BCL7C: variants seen among roughly 807,000 people sequenced by gnomAD.
BCL7C encodes the protein BAF chromatin remodeling complex subunit BCL7C, also known as B-cell CLL/lymphoma 7 protein family member C.
A neutral mutation model predicts 26.2 loss-of-function variants in BCL7C; 8 were observed. The ratio of observed to expected loss-of-function variants is 0.30; its 90% CI spans 0.18 to 0.55. The LOEUF is 0.55. BCL7C is among the 20% of genes least tolerant of loss of function. BCL7C has a pLI of 0.93. For synonymous variants in BCL7C, 90 were observed against 116.5 expected (o/e 0.77, Z 1.47); for missense variants, 262 against 298.5 (o/e 0.88, Z 0.90).
At chr16:30,842,764 A>G (rs1234639615) in intron 5 of BCL7C, among the ~76,000 whole-genome samples, 2 of 152,030 alleles carry the variant, frequency 1.3e-5, no homozygotes, top group South Asian at 2.1e-4. Context: ...CAGACAGGGT[A>G]TCACCGTGTC....
intron 5 of BCL7C, among the ~76,000 whole-genome samples, chr16:30,873,336 A>G (rs2054897583): frequency 2.0e-5 from 3 of 152,198 alleles, no homozygotes; most frequent in Admixed American, 2.0e-4. Flanking sequence ...AGAGACAGAA[A>G]GTAGATTTGC....
chr16:30,885,173 T>G (rs1443181657), downstream of BCL7C, among the ~76,000 whole-genome samples: 5 of 152,126 alleles, frequency 3.3e-5, no homozygotes, highest in Non-Finnish European at 7.3e-5. Context: ...CCTAGATTAT[T>G]CAAATGGGCC....
intron 5 of BCL7C, chr16:30,835,298 G>A (rs958555083): frequency 1.0e-5 from 7 of 699,670 alleles, no homozygotes; most frequent in Non-Finnish European, 1.6e-5. Flanking sequence ...TTTGAGAGCA[G>A]GCAGAGGGTG....
intron 5 of BCL7C, chr16:30,851,564 C>T (rs1160463727): frequency 1.5e-5 from 5 of 329,644 alleles, no homozygotes; most frequent in South Asian, 5.2e-5. Context: ...GCTGGTTATG[C>T]GATGTGTGGT....
intron 5 of BCL7C, among the ~76,000 whole-genome samples, chr16:30,843,112 T>G (rs2054612583): frequency 1.3e-5 from 2 of 152,364 alleles, no homozygotes; most frequent in Admixed American, 6.5e-5. Flanking sequence ...TTCTGGCTAT[T>G]TCTCATTCCA....
At chr16:30,866,908 G>C (rs1442938906) in intron 5 of BCL7C, among the ~76,000 whole-genome samples, 1 of 152,074 alleles carries the variant, frequency 6.6e-6, no homozygotes, top group African/African-American at 2.4e-5. Flanking sequence ...TTAAAAATCA[G>C]CTGAGCATGG....
chr16:30,876,611 G>A (rs921704724), intron 5 of BCL7C, among the ~76,000 whole-genome samples: 4 of 152,120 alleles, frequency 2.6e-5, no homozygotes, highest in African/African-American at 7.2e-5. Flanking sequence ...GAAAGAGGAA[G>A]TATAGTGACT....
At chr16:30,892,088 G>A (rs2055248918) in intron 4 of BCL7C, among the ~76,000 whole-genome samples, 1 of 151,600 alleles carries the variant, frequency 6.6e-6, no homozygotes, top group African/African-American at 2.4e-5. Context: ...GCAACATGGT[G>A]AAACCTTATC....
chr16:30,844,179 G>A (rs1299206352), intron 5 of BCL7C, among the ~76,000 whole-genome samples: 4 of 150,298 alleles, frequency 2.7e-5, no homozygotes, highest in South Asian at 2.1e-4. Context: ...GTGAAACTCC[G>A]TCTCTACTAA....
chr16:30,873,863 T>A (rs1221873706), intron 5 of BCL7C, among the ~76,000 whole-genome samples: 2 of 110,040 alleles, frequency 1.8e-5, no homozygotes, highest in African/African-American at 6.8e-5. Flanking sequence ...AAAAAAAAAA[T>A]TGTACAGATA....
chr16:30,880,018 C>T (rs1008744409), intron 5 of BCL7C, among the ~76,000 whole-genome samples: 2 of 151,310 alleles, frequency 1.3e-5, no homozygotes. Flanking sequence ...AGTAGTTGGG[C>T]GCAGTAGCAC....
downstream of BCL7C, among the ~76,000 whole-genome samples, chr16:30,883,611 C>A (rs946227162): frequency 7.6e-6 from 1 of 132,188 alleles, no homozygotes; most frequent in Non-Finnish European, 1.5e-5. Flanking sequence ...CCGCCTCCCA[C>A]GTTCAAGTGA....
At chr16:30,860,226 T>C (rs2054759052) in intron 5 of BCL7C, among the ~76,000 whole-genome samples, 1 of 152,212 alleles carries the variant, frequency 6.6e-6, no homozygotes, top group South Asian at 2.1e-4. Flanking sequence ...TGTTTAATCA[T>C]TGCGGGGACA....
At chr16:30,881,425 C>CAA (rs1555482650) in intron 5 of BCL7C, among the ~76,000 whole-genome samples, 1 of 142,924 alleles carries the variant, frequency 7.0e-6, no homozygotes, top group South Asian at 2.2e-4. Context: ...CACACACACA[C>CAA]AACAAAAAAT....
chr16:30,884,173 G>T (rs1238466681), downstream of BCL7C, among the ~76,000 whole-genome samples: 1 of 150,932 alleles, frequency 6.6e-6, no homozygotes, highest in Non-Finnish European at 1.5e-5. Context: ...GAGGGTGGGG[G>T]CATGCCTGGG....
At chr16:30,868,969 T>TC (rs2054857571) in intron 5 of BCL7C, among the ~76,000 whole-genome samples, 2 of 152,072 alleles carry the variant, frequency 1.3e-5, no homozygotes, top group African/African-American at 4.8e-5. Flanking sequence ...TTTTTTGAAC[T>TC]CCTGACCTCA....
chr16:30,851,974 G>T, intron 5 of BCL7C: 1 of 162,012 alleles, frequency 6.2e-6, no homozygotes, highest in South Asian at 1.8e-4. Context: ...CCCACTTATT[G>T]AGCTTTTTCA....
At position 30,843,374 on chromosome 16, in the gene BCL7C, A is replaced by G. The variant is rs541065124; in HGVS notation, c.529-8226T>C. ...CCAGGAGTTTGAGACCAGCCTGGGC[A>G]ACATAGTGAGACCTTGTCTCTACTA... On this transcript the variant is annotated intron_variant, in intron 5 of 5. Transcript: ENST00000380317. Among the ~76,000 whole-genome samples, 5 of 152,234 alleles carry G rather than the reference A, an allele frequency of 3.3e-5. No individual in the cohort carries two copies. In the East Asian group the frequency reaches 5.8e-4, roughly 18 times the overall value.
intron 4 of BCL7C, among the ~76,000 whole-genome samples, chr16:30,890,173 A>G (rs1420688252): frequency 2.6e-5 from 4 of 151,794 alleles, no homozygotes; most frequent in Admixed American, 2.6e-4. Flanking sequence ...AGGCAGGTGG[A>G]TCACGAGGTC....
Sources: allele counts gnomAD v4.1 joint callset (sites outside exome capture counted in the v4.1 genomes callset), GRCh38; gene constraint gnomAD v4.1.1; transcripts MANE v1.5; gene names NCBI Gene and HGNC (gene_info 2026-07-23, HGNC 2026-07-21).